The following SHROOM3 variants were observed in gnomAD, a reference collection of about 807,000 sequenced individuals.
SHROOM3 encodes the protein protein Shroom3.
Under a neutral mutation model 138.6 loss-of-function variants are expected in SHROOM3, and 47 were observed. The observed-to-expected ratio is 0.34, with a 90% CI of 0.27 to 0.43. SHROOM3 has a LOEUF of 0.43. SHROOM3 is among the 20% of genes least tolerant of loss of function. SHROOM3 has a pLI of 1.00. For synonymous variants in SHROOM3, 1,062 were observed against 1,063.3 expected, an observed-to-expected ratio of 1.00 and a Z score of 0.02; for missense variants, 2,491 against 2,596.5, an observed-to-expected ratio of 0.96 and a Z score of 0.88.
chr4:76,775,667 A>G (rs898175838), intron 10 of SHROOM3, among the ~76,000 whole-genome samples: 9 of 150,934 alleles, frequency 6.0e-5, no homozygotes, highest in African/African-American at 1.9e-4. Flanking sequence ...TTAACAAGTG[A>G]ATAAAGAAAA....
chr4:76,700,318 G>A (rs1719867395), intron 2 of SHROOM3, among the ~76,000 whole-genome samples: 1 of 152,188 alleles, frequency 6.6e-6, no homozygotes. Context: ...TTGGCTGTAA[G>A]GATGGTAAGA....
At chr4:76,769,558 A>T (rs1458450018) in intron 9 of SHROOM3, among the ~76,000 whole-genome samples, 2 of 152,184 alleles carry the variant, frequency 1.3e-5, no homozygotes, top group African/African-American at 2.4e-5. Flanking sequence ...TCACTGTTTT[A>T]TAAGTATGGA....
rs750686319 is a variant in SHROOM3, at chr4:76,770,649, C to T, written c.5373C>T (p.Thr1791=). 6.2e-7 allele frequency: 1 copy of T among 1,614,158 alleles called. No individual in the cohort carries two copies. The highest frequency in any genetic ancestry group is 1.3e-5 in the African/African-American group (1 of 75,058). ...EKKAELIGSL[T]HKLETLQEAK... ...AGGCTGAGCTCATTGGAAGTCTCAC[C>T]CACAAGCTGGAGACCCTCCAGGAGG... is the stretch of plus-strand genomic sequence containing the variant. The change falls in exon 10 of 11, where the codon ACC becomes ACT. Residue 1791 remains threonine (T), a synonymous_variant. Coordinates refer to ENST00000296043, the MANE Select transcript of SHROOM3 (RefSeq NM_020859.4).
chr4:76,594,904 A>G lies in SHROOM3; in HGVS notation c.323+39141A>G, dbSNP rs181557237. On this transcript the variant is annotated intron_variant, in intron 2 of 10. Coordinates refer to ENST00000296043, the MANE Select transcript of SHROOM3 (RefSeq NM_020859.4). The stretch of plus-strand genomic sequence containing the variant: ...TAAACCCACTAAGACCAACTCAAAT[A>G]AAAAGAGATGAAGATATCAAGATAT... Among the ~76,000 whole-genome samples, 17 of 152,334 alleles carry G rather than the reference A, an allele frequency of 1.1e-4. No homozygotes were observed. In the East Asian group the frequency reaches 3.1e-3, roughly 28 times the overall value.
chr4:76,637,521 G>A lies in SHROOM3; in HGVS notation c.324-72635G>A, dbSNP rs1019997208. 3.3e-5 allele frequency: 5 copies of A among 152,180 alleles called. 1 individual carries two copies. The highest frequency in any genetic ancestry group is 7.3e-5 in the Non-Finnish European group (5 of 68,030). 9.4% of individuals were successfully genotyped at this position (152,180 alleles called of 1,614,324 possible). Reference sequence around the variant, plus strand: ...TCATGCTCCTTTTCTCTTTTTTCCTGTGTGAAATTCAGTGTTTCCTTTATA... The same window carrying A: ...TCATGCTCCTTTTCTCTTTTTTCCTATGTGAAATTCAGTGTTTCCTTTATA... On this transcript the variant is annotated intron_variant, in intron 2 of 10. Coordinates refer to ENST00000296043, the MANE Select transcript of SHROOM3 (RefSeq NM_020859.4).
At chr4:76,718,539 C>T (rs554536693) in intron 3 of SHROOM3, among the ~76,000 whole-genome samples, 15 of 152,288 alleles carry the variant, frequency 9.8e-5, no homozygotes, top group East Asian at 1.9e-4. Context: ...TAACATTTTT[C>T]ACTAAAATTA....
At chr4:76,676,749 C>T (rs1719037147) in intron 2 of SHROOM3, among the ~76,000 whole-genome samples, 1 of 151,942 alleles carries the variant, frequency 6.6e-6, no homozygotes, top group African/African-American at 2.4e-5. Context: ...CGAGACCATC[C>T]TGGCTAACAC....
chr4:76,466,032 C>T (rs556278473), intron 1 of SHROOM3, among the ~76,000 whole-genome samples: 6 of 152,168 alleles, frequency 3.9e-5, no homozygotes, highest in Non-Finnish European at 7.3e-5. Flanking sequence ...ACAGCATTTA[C>T]GTGTTTGTTG....
At chr4:76,491,977 A>T (rs948941504) in intron 1 of SHROOM3, among the ~76,000 whole-genome samples, 1 of 152,224 alleles carries the variant, frequency 6.6e-6, no homozygotes, top group Non-Finnish European at 1.5e-5. Flanking sequence ...TGCACTTTGG[A>T]TACCATTTCT....
At chr4:76,493,713 G>T (rs1214151908) in intron 1 of SHROOM3, among the ~76,000 whole-genome samples, 1 of 152,206 alleles carries the variant, frequency 6.6e-6, no homozygotes, top group Non-Finnish European at 1.5e-5. Context: ...GGGTGTGGTG[G>T]CTCATGCCTG....
At chr4:76,474,487 A>G (rs1419341890) in intron 1 of SHROOM3, among the ~76,000 whole-genome samples, 4 of 152,254 alleles carry the variant, frequency 2.6e-5, no homozygotes, top group Non-Finnish European at 1.5e-5. Context: ...GGATAGTTCC[A>G]TGCTTTGTAA....
At chr4:76,707,505 C>T (rs190255802) in intron 2 of SHROOM3, among the ~76,000 whole-genome samples, 6 of 152,116 alleles carry the variant, frequency 3.9e-5, no homozygotes, top group African/African-American at 9.6e-5. Flanking sequence ...TAACCATTGG[C>T]GCACCAGTGG....
At chr4:76,474,202 A>AG (rs1731436187) in intron 1 of SHROOM3, among the ~76,000 whole-genome samples, 2 of 152,244 alleles carry the variant, frequency 1.3e-5, no homozygotes, top group African/African-American at 4.8e-5. Context: ...CACATTGTAT[A>AG]ATTCCATTTA....
chr4:76,695,121 T>C (rs948127569), intron 2 of SHROOM3, among the ~76,000 whole-genome samples: 5 of 152,200 alleles, frequency 3.3e-5, no homozygotes, highest in Admixed American at 3.3e-4. Flanking sequence ...TCCTTGAATA[T>C]GTTCTTAAAT....
At chr4:76,548,642 G>A (rs899817192) in intron 1 of SHROOM3, among the ~76,000 whole-genome samples, 3 of 152,146 alleles carry the variant, frequency 2.0e-5, no homozygotes, top group African/African-American at 7.2e-5. Context: ...CACTCATTAC[G>A]TGCAGGCACT....
chr4:76,665,464 G>T (rs1437820302), intron 2 of SHROOM3, among the ~76,000 whole-genome samples: 1 of 152,218 alleles, frequency 6.6e-6, no homozygotes, highest in East Asian at 1.9e-4. Flanking sequence ...CCAGTCATCT[G>T]GAAGAGAGCC....
intron 2 of SHROOM3, among the ~76,000 whole-genome samples, chr4:76,677,184 C>A (rs1225073323): frequency 6.6e-6 from 1 of 152,114 alleles, no homozygotes; most frequent in Admixed American, 6.6e-5. Flanking sequence ...TCTTAGTGCC[C>A]TGAATAGGAA....
chr4:76,535,757 G>A (rs924599126), intron 1 of SHROOM3, among the ~76,000 whole-genome samples: 2 of 152,238 alleles, frequency 1.3e-5, no homozygotes, highest in Non-Finnish European at 2.9e-5. Flanking sequence ...TGGGAGCCAT[G>A]CCACAACCAT....
intron 2 of SHROOM3, among the ~76,000 whole-genome samples, chr4:76,681,548 C>T (rs1719191895): frequency 6.8e-6 from 1 of 148,052 alleles, no homozygotes; most frequent in African/African-American, 2.5e-5. Flanking sequence ...TCCCCTCTAG[C>T]TCCTGGGGTT....
Sources: allele counts gnomAD v4.1 joint callset (sites outside exome capture counted in the v4.1 genomes callset), GRCh38; gene constraint gnomAD v4.1.1; transcripts MANE v1.5; gene names NCBI Gene and HGNC (gene_info 2026-07-23, HGNC 2026-07-21).